The following PBX1 variants were observed in gnomAD, a reference collection of about 807,000 sequenced individuals.
PBX1 encodes the protein pre-B-cell leukemia transcription factor 1.
In PBX1, 6 loss-of-function variants were observed where a neutral mutation model predicts 53.4. The observed-to-expected ratio is 0.11, with a 90% CI of 0.06 to 0.22. PBX1 has a LOEUF of 0.22. Among genes scored for constraint, PBX1 ranks in the 10% least tolerant of loss-of-function variants. The pLI is 1.00. For synonymous variants in PBX1, 204 were observed against 212.3 expected (o/e 0.96, Z 0.34); for missense variants, 251 against 551.4 (o/e 0.46, Z 5.46).
At chr1:164,765,495 A>G (rs1464967177) in intron 2 of PBX1, among the ~76,000 whole-genome samples, 1 of 152,236 alleles carries the variant, frequency 6.6e-6, no homozygotes, top group African/African-American at 2.4e-5. Context: ...AGGAAAAAGC[A>G]AACAGCTGTT....
intron 2 of PBX1, among the ~76,000 whole-genome samples, chr1:164,722,964 A>G (rs1433267482): frequency 6.6e-6 from 1 of 152,172 alleles, no homozygotes; most frequent in Non-Finnish European, 1.5e-5. Flanking sequence ...GAGTCATCAG[A>G]TGTATCTTAG....
intron 2 of PBX1, among the ~76,000 whole-genome samples, chr1:164,862,661 T>G (rs192972765): frequency 1.3e-5 from 2 of 152,144 alleles, no homozygotes; most frequent in East Asian, 3.9e-4. Flanking sequence ...TTTGGCTTAT[T>G]TGCAACACTG....
At chr1:164,777,251 C>T (rs993948689) in intron 2 of PBX1, among the ~76,000 whole-genome samples, 13 of 152,034 alleles carry the variant, frequency 8.6e-5, no homozygotes, top group Non-Finnish European at 1.3e-4. Flanking sequence ...GGCAAAACTC[C>T]GTCTGTACTA....
intron 2 of PBX1, among the ~76,000 whole-genome samples, chr1:164,757,225 G>A (rs1666577177): frequency 6.6e-6 from 1 of 152,190 alleles, no homozygotes; most frequent in South Asian, 2.1e-4. Context: ...GATGTAACCT[G>A]ATGGGGAATA....
intron 8 of PBX1, among the ~76,000 whole-genome samples, chr1:164,838,330 T>G (rs1264402770): frequency 6.6e-6 from 1 of 152,206 alleles, no homozygotes; most frequent in Non-Finnish European, 1.5e-5. Context: ...TGGTCAAGCC[T>G]CAGAAGCATA....
chr1:164,821,546 C>T lies in PBX1; in HGVS notation c.1120C>T (p.Leu374Phe). ...GANVQSQVDTLRHVISQTGGY... is the reference protein window; with the variant it reads ...GANVQSQVDTFRHVISQTGGY... Reference sequence around the variant, plus strand: ...TTGTTCATCTGTTTAGGTGGATACCCTTCGCCATGTTATCAGCCAGACAGG... The same window carrying T: ...TTGTTCATCTGTTTAGGTGGATACCTTTCGCCATGTTATCAGCCAGACAGG... Residue 374 changes from leucine to phenylalanine, a missense_variant, in exon 8 of 9, where the codon CTT (leucine) becomes TTT (phenylalanine). Leu to Phe is a conservative substitution (Grantham distance 22). Coordinates refer to ENST00000420696, the MANE Select transcript of PBX1 (RefSeq NM_002585.4). 6.2e-7 allele frequency: 1 copy of T among 1,613,696 alleles called. No individual in the cohort carries two copies. The highest frequency in any genetic ancestry group is 8.5e-7 in the Non-Finnish European group (1 of 1,179,636).
intron 6 of PBX1, chr1:164,815,434 C>G (rs986448473): frequency 6.6e-6 from 1 of 152,206 alleles, no homozygotes; most frequent in African/African-American, 2.4e-5. Context: ...AAAGTTCTTC[C>G]TCTAGCACTA....
chr1:164,754,723 A>G (rs1666418833), intron 2 of PBX1, among the ~76,000 whole-genome samples: 1 of 152,144 alleles, frequency 6.6e-6, no homozygotes, highest in Non-Finnish European at 1.5e-5. Context: ...GATGAGGATA[A>G]TACAGATCAG....
chr1:164,593,624 C>T (rs908738897), intron 2 of PBX1, among the ~76,000 whole-genome samples: 4 of 102,664 alleles, frequency 3.9e-5, no homozygotes, highest in Admixed American at 1.2e-4. Context: ...GTTGTGGCGG[C>T]GGGGTGGGGG....
At chr1:164,685,692 A>G (rs1035938248) in intron 2 of PBX1, among the ~76,000 whole-genome samples, 2 of 152,246 alleles carry the variant, frequency 1.3e-5, no homozygotes, top group Non-Finnish European at 2.9e-5. Context: ...GTTCTCAATT[A>G]TTGAAACAGA....
At chr1:164,732,640 T>G (rs1665058577) in intron 2 of PBX1, among the ~76,000 whole-genome samples, 1 of 152,040 alleles carries the variant, frequency 6.6e-6, no homozygotes, top group Non-Finnish European at 1.5e-5. Context: ...CTAATACACT[T>G]TTTTTCTTTT....
rs577841488 is a variant in PBX1 at position 164,573,601 on chromosome 1, C to T, written c.265+10290C>T. On this transcript the variant is annotated intron_variant, in intron 2 of 8. Transcript: ENST00000420696. ...CTGCCTCCCGGGTTCAAGGGATTCT[C>T]CTGCCTCAGCCTCCCAAGTAGCTGG... 3.6e-4 allele frequency among the ~76,000 whole-genome samples: 55 copies of T among 151,232 alleles called. No individual in the cohort carries two copies. In the East Asian group the frequency reaches 9.8e-3, roughly 27 times the overall value.
chr1:164,712,754 T>TGGCCTGGTGTGTG (rs1663870381), intron 2 of PBX1, among the ~76,000 whole-genome samples: 1 of 152,176 alleles, frequency 6.6e-6, no homozygotes, highest in Admixed American at 6.5e-5. Flanking sequence ...GACTGTTTCC[T>TGGCCTGGTGTGTG]GGCCTGGTGT....
chr1:164,599,394 G>C (rs73017002), intron 2 of PBX1, among the ~76,000 whole-genome samples: 2,369 of 151,774 alleles, frequency 0.016, 60 homozygotes, highest in African/African-American at 0.054. Context: ...CTCTTTCTTC[G>C]GGCAAATCTG....
rs367900884 is a variant in PBX1, at chr1:164,602,649, CTGTT to C, written c.265+39340_265+39343del. On this transcript the variant is annotated intron_variant, in intron 2 of 8. Transcript: ENST00000420696. ...CAACCTCCCCACAGCTCTTGACTGG[CTGTT>C]TATCTATTCCATTCCACTACCTTCC... Among the ~76,000 whole-genome samples the C allele has an allele frequency of 8.6e-3, 1,293 of 150,822 alleles. 21 individuals carry two copies. Among genetic ancestry groups the C allele is most frequent in the African/African-American group, 0.03 (1,248 of 40,992 alleles).
intron 8 of PBX1, among the ~76,000 whole-genome samples, chr1:164,830,241 A>G (rs1052830886): frequency 2.0e-5 from 3 of 152,248 alleles, no homozygotes; most frequent in African/African-American, 7.2e-5. Flanking sequence ...AATCAACTAC[A>G]AAGCATTAGC....
intron 2 of PBX1, chr1:164,884,475 G>A (rs1672731781): frequency 6.6e-6 from 3 of 457,484 alleles, no homozygotes; most frequent in South Asian, 5.1e-5. Context: ...TAGCAGTCAT[G>A]ATGAAAGATC....
chr1:164,696,615 C>T (rs140866525), intron 2 of PBX1, among the ~76,000 whole-genome samples: 85 of 152,198 alleles, frequency 5.6e-4, no homozygotes, highest in Non-Finnish European at 1.0e-3. Flanking sequence ...ATGGGTTTGG[C>T]ATTAATTAAT....
intron 2 of PBX1, among the ~76,000 whole-genome samples, chr1:164,611,604 T>A (rs1240513105): frequency 6.6e-6 from 1 of 150,522 alleles, no homozygotes; most frequent in Non-Finnish European, 1.5e-5. Flanking sequence ...TTTTTGATTG[T>A]CTGTTTAGAG....
Sources: gnomAD v4.1 joint callset for allele counts (sites outside exome capture counted in the v4.1 genomes callset) on GRCh38, gnomAD v4.1.1 for gene constraint, MANE v1.5 for transcripts, NCBI Gene and HGNC (gene_info 2026-07-23, HGNC 2026-07-21) for gene names.